The following AP3B1 variants were observed in gnomAD, a reference collection of about 807,000 sequenced individuals.
AP3B1 encodes adaptor related protein complex 3 subunit beta 1, also known as AP-3 complex subunit beta-1.
In AP3B1, 61 loss-of-function variants were observed where a neutral mutation model predicts 132.5. The ratio of observed to expected loss-of-function variants is 0.46; its 90% CI spans 0.37 to 0.57. AP3B1 has a LOEUF of 0.57. AP3B1 is among the 20% of genes least tolerant of loss of function. The pLI is 0.00. For synonymous variants in AP3B1, 388 were observed against 438.3 expected, an observed-to-expected ratio of 0.89 and a Z score of 1.43; for missense variants, 1,120 against 1,289.4, an observed-to-expected ratio of 0.87 and a Z score of 2.01.
Position 78,267,500 on chromosome 5 carries a change from TA to T in AP3B1, c.204+19del, listed in dbSNP as rs991372310. The T allele has an allele frequency of 6.4e-7, 1 of 1,559,048 alleles. No individual in the cohort carries two copies. Among genetic ancestry groups the T allele is most frequent in the Non-Finnish European group, 8.8e-7 (1 of 1,133,750 alleles). On this transcript the variant is annotated intron_variant, in intron 2 of 26. Coordinates refer to ENST00000255194, the MANE Select transcript of AP3B1 (RefSeq NM_003664.5). ...CTTGTCCATTTTTCCAAAATTGAAG[TA>T]AATGAGTATTTTACCTACCCCAACA...
chr5:78,057,958 TC>T (rs1281448031), intron 22 of AP3B1, among the ~76,000 whole-genome samples: 1 of 152,190 alleles, frequency 6.6e-6, no homozygotes, highest in Non-Finnish European at 1.5e-5. Flanking sequence ...CATAATAATT[TC>T]ATACCAAACA....
rs575677223 is a variant in AP3B1 at position 78,067,751 on chromosome 5, G to A, written c.2577+21642C>T. Among the ~76,000 whole-genome samples, 18 of 152,240 alleles carry A rather than the reference G, an allele frequency of 1.2e-4. No individual in the cohort carries two copies. In the South Asian group the frequency reaches 3.3e-3, roughly 28 times the overall value. On this transcript the variant is annotated intron_variant, in intron 22 of 26. Coordinates refer to ENST00000255194, the MANE Select transcript of AP3B1 (RefSeq NM_003664.5). The stretch of plus-strand genomic sequence containing the variant: ...GAAAATGTAACAGAATCTCTGGGAT[G>A]CAGCCAAAGCAGTGTTAAGAGGGAA...
In AP3B1 at chr5:78,214,102, C is replaced by A. The variant is rs115240357; in HGVS notation, c.786+1953G>T. ...AATTAGTCTAATGAGCACAGCATTT[C>A]GAATAATTCCAAGGTTGGATTGCAA... On this transcript the variant is annotated intron_variant, in intron 7 of 26. Transcript: ENST00000255194. Among the ~76,000 whole-genome samples, 852 of 152,218 alleles carry A rather than the reference C, an allele frequency of 5.6e-3. 9 individuals are homozygous for A. The highest frequency in any genetic ancestry group is 0.019 in the African/African-American group (784 of 41,510).
chr5:78,069,146 A>G (rs894730207), intron 22 of AP3B1, among the ~76,000 whole-genome samples: 10 of 152,234 alleles, frequency 6.6e-5, no homozygotes, highest in African/African-American at 2.4e-4. Context: ...CCCACTGCCA[A>G]TTATCATACT....
At chr5:78,011,953 T>C (rs966651122) in intron 26 of AP3B1, among the ~76,000 whole-genome samples, 1 of 152,126 alleles carries the variant, frequency 6.6e-6, no homozygotes, top group Non-Finnish European at 1.5e-5. Flanking sequence ...TAACTTATCA[T>C]ATTGAAAATT....
intron 3 of AP3B1, among the ~76,000 whole-genome samples, chr5:78,240,450 T>A (rs534517998): frequency 6.6e-6 from 1 of 152,278 alleles, no homozygotes; most frequent in Admixed American, 6.5e-5. Context: ...TCTGAGAAAC[T>A]TGGGAAATAT....
chr5:78,284,483 AATAG>A (rs1269253139), intron 1 of AP3B1, among the ~76,000 whole-genome samples: 2 of 152,238 alleles, frequency 1.3e-5, no homozygotes, highest in Non-Finnish European at 2.9e-5. Context: ...CCTAATAGCT[AATAG>A]ATAGTAATTT....
Position 78,208,585 on chromosome 5 carries a change from C to G in AP3B1, c.786+7470G>C, listed in dbSNP as rs148874366. 3.1e-3 allele frequency among the ~76,000 whole-genome samples: 469 copies of G among 152,246 alleles called. 1 individual carries two copies. Among genetic ancestry groups the G allele is most frequent in the African/African-American group, 0.011 (441 of 41,540 alleles). On this transcript the variant is annotated intron_variant, in intron 7 of 26. Coordinates refer to ENST00000255194, the MANE Select transcript of AP3B1 (RefSeq NM_003664.5). ...TTTCCAGATGTGGACCCATTTCTGA[C>G]TCTAAAGGAATTTAGTATGTTGATT...
intron 22 of AP3B1, among the ~76,000 whole-genome samples, chr5:78,072,767 G>T (rs546194996): frequency 8.1e-6 from 1 of 123,108 alleles, no homozygotes; most frequent in East Asian, 2.4e-4. Flanking sequence ...TGTCACCCAG[G>T]CTGGAGTGCA....
At chr5:78,190,634 T>A (rs1221188887) in intron 7 of AP3B1, among the ~76,000 whole-genome samples, 2 of 152,156 alleles carry the variant, frequency 1.3e-5, no homozygotes, top group African/African-American at 4.8e-5. Flanking sequence ...ACTCAACCTT[T>A]CCTTGTCTTG....
At chr5:78,107,492 G>T (rs1405896557) in intron 20 of AP3B1, among the ~76,000 whole-genome samples, 2 of 152,112 alleles carry the variant, frequency 1.3e-5, no homozygotes, top group African/African-American at 4.8e-5. Context: ...TGGCAGAAAA[G>T]GAATGAATGG....
At chr5:78,178,716 T>C (rs894383333) in intron 8 of AP3B1, among the ~76,000 whole-genome samples, 4 of 152,240 alleles carry the variant, frequency 2.6e-5, no homozygotes, top group Admixed American at 2.0e-4. Context: ...AGATTCAGAG[T>C]GACAACTGCA....
intron 22 of AP3B1, among the ~76,000 whole-genome samples, chr5:78,069,939 T>C (rs571229410): frequency 6.6e-6 from 1 of 152,086 alleles, no homozygotes; most frequent in East Asian, 1.9e-4. Flanking sequence ...AACTCAGAAA[T>C]AAGACCATAA....
intron 7 of AP3B1, among the ~76,000 whole-genome samples, chr5:78,192,976 A>G (rs1027808719): frequency 2.0e-5 from 3 of 152,208 alleles, no homozygotes; most frequent in Non-Finnish European, 2.9e-5. Flanking sequence ...GCCCAAACTA[A>G]GACAGACTAT....
chr5:78,223,780 A>G (rs1323361172), intron 6 of AP3B1, among the ~76,000 whole-genome samples: 1 of 152,232 alleles, frequency 6.6e-6, no homozygotes, highest in African/African-American at 2.4e-5. Flanking sequence ...TAAAACTCAT[A>G]AAGAATTGGT....
chr5:78,184,381 CA>C (rs1413626872), intron 7 of AP3B1, among the ~76,000 whole-genome samples: 1 of 151,184 alleles, frequency 6.6e-6, no homozygotes, highest in African/African-American at 2.4e-5. Context: ...AGACTAGGGA[CA>C]AAAAAAATCA....
chr5:78,082,501 C>A (rs144538797), intron 22 of AP3B1, among the ~76,000 whole-genome samples: 45 of 152,104 alleles, frequency 3.0e-4, no homozygotes, highest in African/African-American at 1.0e-3. Context: ...ATTTTCATAA[C>A]AAAAAAAGTG....
chr5:78,131,023 CTG>C (rs1369770768), intron 15 of AP3B1, among the ~76,000 whole-genome samples: 4 of 151,590 alleles, frequency 2.6e-5, no homozygotes, highest in African/African-American at 7.3e-5. Flanking sequence ...TTTTTATTGA[CTG>C]TAAAATGTAT....
At chr5:78,167,490 A>G (rs1228713809) in intron 11 of AP3B1, among the ~76,000 whole-genome samples, 1 of 152,204 alleles carries the variant, frequency 6.6e-6, no homozygotes, top group Non-Finnish European at 1.5e-5. Context: ...ACCAGTAGGT[A>G]TCTACCCAGA....
Sources: allele counts gnomAD v4.1 joint callset (sites outside exome capture counted in the v4.1 genomes callset), GRCh38; gene constraint gnomAD v4.1.1; transcripts MANE v1.5; gene names NCBI Gene and HGNC (gene_info 2026-07-23, HGNC 2026-07-21).